BACE1: variants seen among roughly 807,000 people sequenced by gnomAD.
The protein encoded by BACE1 is APP beta-secretase.
BACE1 carries 21 observed loss-of-function variants against 54.0 expected under a neutral mutation model. The observed-to-expected ratio is 0.39, with a 90% CI of 0.28 to 0.56. The LOEUF (loss-of-function observed/expected upper bound fraction) is 0.56, where lower values mean the gene tolerates loss of function less well. Ranked by LOEUF, BACE1 falls within the 20% of genes least tolerant of loss-of-function variation. The probability of loss-of-function intolerance (pLI) is 0.63; values close to 1 mark genes in which losing one functional copy is unlikely to be tolerated. For missense variants in BACE1, 511 were observed against 661.2 expected (o/e 0.77, Z 2.49); for synonymous variants, 232 against 260.9 (o/e 0.89, Z 1.07).
chr11:117,304,009 C>T (rs1565364294), intron 1 of BACE1, among the ~76,000 whole-genome samples: 1 of 152,160 alleles, frequency 6.6e-6, no homozygotes, highest in Non-Finnish European at 1.5e-5. Flanking sequence ...TCCCGTCTCT[C>T]CCATTTGGAG....
At chr11:117,310,658 T>C (rs539398562) in intron 1 of BACE1, among the ~76,000 whole-genome samples, 1 of 152,150 alleles carries the variant, frequency 6.6e-6, no homozygotes, top group South Asian at 2.1e-4. Context: ...TGGCCTCAGA[T>C]GATCCTCCTG....
At chr11:117,314,057 G>A (rs1206446095) in intron 1 of BACE1, among the ~76,000 whole-genome samples, 1 of 152,216 alleles carries the variant, frequency 6.6e-6, no homozygotes, top group Non-Finnish European at 1.5e-5. Flanking sequence ...TTCGTGGACT[G>A]TCTGACCTCA....
At position 117,316,131 on chromosome 11, in the gene BACE1, G is replaced by A. The variant is rs1026481031; in HGVS notation, c.-336C>T. ...CGGTGGCGGCTTCCCTGGTCCCCCC[G>A]GCGGGCGGCGGCGCGGGCAGGGGCA... On this transcript the variant is annotated 5_prime_UTR_variant, in exon 1 of 9. Transcript: ENST00000313005. 7 of 396,578 alleles carry A rather than the reference G, an allele frequency of 1.8e-5. No individual in the cohort carries two copies. Among genetic ancestry groups the A allele is most frequent in the African/African-American group, 1.2e-4 (6 of 48,358 alleles). 24.6% of individuals were successfully genotyped at this position (396,578 alleles called of 1,614,324 possible). A position where few individuals can be genotyped will look rare whatever the true frequency, so the allele number is the denominator to read the frequency against.
At chr11:117,303,287 G>A (rs1355010791) in intron 1 of BACE1, among the ~76,000 whole-genome samples, 3 of 152,170 alleles carry the variant, frequency 2.0e-5, no homozygotes, top group African/African-American at 7.2e-5. Flanking sequence ...TGCCCAGGGA[G>A]CTGCAGCCTG....
At chr11:117,290,849 T>G (rs901908458) in intron 7 of BACE1, 51 bp downstream of exon 7, 1 of 1,596,616 alleles carries the variant, frequency 6.3e-7, no homozygotes, top group Admixed American at 1.7e-5. Flanking sequence ...GCTCACTGTC[T>G]CCCAGTGTGT....
intron 1 of BACE1, among the ~76,000 whole-genome samples, chr11:117,313,225 A>G (rs1300915457): frequency 1.3e-5 from 2 of 152,166 alleles, no homozygotes; most frequent in East Asian, 1.9e-4. Context: ...ATCATAGTGC[A>G]AGCCACACAG....
At chr11:117,302,050 C>T (rs1243154128) in intron 1 of BACE1, among the ~76,000 whole-genome samples, 1 of 152,152 alleles carries the variant, frequency 6.6e-6, no homozygotes, top group Non-Finnish European at 1.5e-5. Flanking sequence ...AAACGTAAAG[C>T]TGGCCGGGTG....
At chr11:117,300,247 C>G (rs1462735573) in intron 1 of BACE1, among the ~76,000 whole-genome samples, 1 of 152,216 alleles carries the variant, frequency 6.6e-6, no homozygotes, top group South Asian at 2.1e-4. Context: ...CCCCACTGCT[C>G]TCTGCCTCCC....
In BACE1 at chr11:117,293,837, T is replaced by G; in HGVS notation, c.705+34A>C. On this transcript the variant is annotated intron_variant, in intron 4 of 8. Coordinates refer to ENST00000313005, the MANE Select transcript of BACE1 (RefSeq NM_012104.6). This position sits in a 1 kb window ranked among gnomAD's most constrained non-coding sequence, Gnocchi z 4.1. ...AGGATGGCACCCATCTCTCCCTCAA[T>G]GCCAGGACCTCCCCTCTCTGAGGAC... 1.9e-6 allele frequency: 3 copies of G among 1,588,360 alleles called. No individual in the cohort carries two copies. The highest frequency in any genetic ancestry group is 2.6e-6 in the Non-Finnish European group (3 of 1,167,296).
Position 117,315,993 on chromosome 11 carries a change from C to T in BACE1, c.-198G>A. ...GCGGTCAGGGGAGATCCGCAGAGCA[C>T]GGGAGCAGGGGAGAGGCTGGGATCC... is the stretch of plus-strand genomic sequence containing the variant. On this transcript the variant is annotated 5_prime_UTR_variant, in exon 1 of 9. It adds an upstream start codon to the 5' untranslated region. Coordinates refer to ENST00000313005, the MANE Select transcript of BACE1 (RefSeq NM_012104.6). This position sits in a 1 kb window ranked among gnomAD's most constrained non-coding sequence, Gnocchi z 5.5. 2.1e-6 allele frequency: 1 copy of T among 469,546 alleles called. No homozygotes were observed. Among genetic ancestry groups the T allele is most frequent in the Non-Finnish European group, 3.5e-6 (1 of 285,856 alleles). The allele number at this position is 469,546 out of a possible 1,614,324, so 29.1% of individuals were successfully genotyped here. A position where few individuals can be genotyped will look rare whatever the true frequency, so the allele number is the denominator to read the frequency against.
At chr11:117,297,122 A>G in intron 1 of BACE1, 161 bp from the exon 2 acceptor site, 1 of 597,570 alleles carries the variant, frequency 1.7e-6, no homozygotes, top group African/African-American at 1.9e-5. Flanking sequence ...TACCACCACG[A>G]CCACAGACAG....
intron 1 of BACE1, among the ~76,000 whole-genome samples, chr11:117,314,077 TG>T (rs1428254067): frequency 2.0e-5 from 3 of 152,312 alleles, no homozygotes; most frequent in Admixed American, 2.0e-4. Flanking sequence ...AAAGCTTGTG[TG>T]GGTTCTGCAG....
intron 1 of BACE1, among the ~76,000 whole-genome samples, chr11:117,308,923 G>A (rs554306450): frequency 6.6e-6 from 1 of 152,238 alleles, no homozygotes; most frequent in African/African-American, 2.4e-5. Flanking sequence ...CTGCACTCCA[G>A]CCTGGGTGAC....
intron 1 of BACE1, among the ~76,000 whole-genome samples, chr11:117,311,919 G>A (rs1219974474): frequency 4.6e-5 from 7 of 152,164 alleles, no homozygotes; most frequent in East Asian, 1.9e-4. Flanking sequence ...GATTACAGGC[G>A]TGAGCCACCA....
intron 1 of BACE1, among the ~76,000 whole-genome samples, chr11:117,314,303 G>A (rs1204119898): frequency 1.3e-5 from 2 of 152,228 alleles, no homozygotes; most frequent in African/African-American, 2.4e-5. Context: ...ACAGGAAAGA[G>A]GATGAGAAAG....
At chr11:117,308,265 T>C (rs1171934866) in intron 1 of BACE1, among the ~76,000 whole-genome samples, 1 of 152,236 alleles carries the variant, frequency 6.6e-6, no homozygotes, top group East Asian at 1.9e-4. Context: ...TGCTCCCTTG[T>C]CTATACCTAA....
In BACE1 at chr11:117,293,499, T is replaced by C. The variant is rs2034513685; in HGVS notation, c.706-311A>G. 2 of 282,168 alleles carry C rather than the reference T, an allele frequency of 7.1e-6. No homozygotes were observed. The highest frequency in any genetic ancestry group is 1.3e-5 in the Non-Finnish European group (2 of 154,684). The allele number at this position is 282,168 out of a possible 1,614,324, so 17.5% of individuals were successfully genotyped here. A position where few individuals can be genotyped will look rare whatever the true frequency, so the allele number is the denominator to read the frequency against. ...ATGGTTATTTGTTTATATTATAAGT[T>C]TTATTTTCTCTGCTTATTGGAGAAC... On this transcript the variant is annotated intron_variant, in intron 4 of 8. Coordinates refer to ENST00000313005, the MANE Select transcript of BACE1 (RefSeq NM_012104.6). This position sits in a 1 kb window ranked among gnomAD's most constrained non-coding sequence, Gnocchi z 4.1.
rs1319279759 is a variant in BACE1 at position 117,289,692 on chromosome 11, A to G, written c.1380T>C (p.Tyr460=). ...TDESTLMTIA[Y]VMAAICALFM... ...AGAGGGCGCAGATGGCAGCCATGAC[A>G]TAGGCTATGGTCATGAGGGTTGACT... Residue 460 remains tyrosine (Y), a synonymous_variant, in exon 9 of 9, where the codon TAT becomes TAC. Coordinates refer to ENST00000313005, the MANE Select transcript of BACE1 (RefSeq NM_012104.6). 7.4e-6 allele frequency: 12 copies of G among 1,614,188 alleles called. No homozygotes were observed. Among genetic ancestry groups the G allele is most frequent in the Non-Finnish European group, 9.3e-6 (11 of 1,180,014 alleles).
At chr11:117,312,486 G>A (rs2034968285) in intron 1 of BACE1, among the ~76,000 whole-genome samples, 1 of 151,050 alleles carries the variant, frequency 6.6e-6, no homozygotes, top group African/African-American at 2.4e-5. Context: ...TTTTTGAGAC[G>A]GAGTCTCGCT....
Sources: gnomAD v4.1 joint callset for allele counts (sites outside exome capture counted in the v4.1 genomes callset) on GRCh38, gnomAD v4.1.1 for gene constraint, Gnocchi (gnomAD v3.1) non-coding constraint, MANE v1.5 for transcripts, NCBI Gene and HGNC (gene_info 2026-07-23, HGNC 2026-07-21) for gene names.